The following TANC2 variants were observed in gnomAD, a reference collection of about 807,000 sequenced individuals.
TANC2 encodes protein TANC2.
A neutral mutation model predicts 210.5 loss-of-function variants in TANC2; 26 were observed. The observed-to-expected ratio is 0.12, with a 90% CI of 0.09 to 0.17. TANC2 has a LOEUF of 0.17. TANC2 is among the 10% of genes least tolerant of loss of function. TANC2 has a pLI of 1.00. For missense variants in TANC2, 2,129 were observed against 2,608.9 expected, an observed-to-expected ratio of 0.82 and a Z score of 4.01; for synonymous variants, 931 against 967.1, an observed-to-expected ratio of 0.96 and a Z score of 0.69.
exon 28 of TANC2, chr17:63,422,374 T>A: frequency 5.4e-6 from 1 of 185,692 alleles, no homozygotes; most frequent in South Asian, 1.1e-4. Context: ...AAGAGTGCGA[T>A]GCCCCTTTGC....
chr17:63,349,587 T>C (rs2046530767), intron 12 of TANC2, among the ~76,000 whole-genome samples: 1 of 152,152 alleles, frequency 6.6e-6, no homozygotes, highest in South Asian at 2.1e-4. Context: ...CCATACACAA[T>C]TCCAAGCTAC....
chr17:63,047,413 A>G (rs1329903940), intron 2 of TANC2, among the ~76,000 whole-genome samples: 2 of 152,204 alleles, frequency 1.3e-5, no homozygotes, highest in African/African-American at 4.8e-5. Flanking sequence ...GAATGGATAT[A>G]GGAGTGGATG....
At chr17:63,292,114 C>T (rs921230599) in intron 9 of TANC2, among the ~76,000 whole-genome samples, 14 of 152,132 alleles carry the variant, frequency 9.2e-5, no homozygotes, top group Non-Finnish European at 1.5e-4. Context: ...GATAACTCTT[C>T]TAAGTTGTTG....
In TANC2 at chr17:63,340,118, T is replaced by C. The variant is rs1013599844; in HGVS notation, c.1593T>C (p.Tyr531=). Reference sequence around the variant, plus strand: ...TTTTGCAGGTGGTTGCCTATCACTATTGTCAAGCAGATAATGCCTACACTT... The same window carrying C: ...TTTTGCAGGTGGTTGCCTATCACTACTGTCAAGCAGATAATGCCTACACTT... The change falls in exon 12 of 28, where the codon TAT becomes TAC. Residue 531 remains tyrosine, a synonymous_variant. Transcript: ENST00000689528. 1.7e-5 allele frequency: 27 copies of C among 1,613,750 alleles called. 1 individual carries two copies. The highest frequency in any genetic ancestry group is 3.3e-4 in the Middle Eastern group (2 of 6,084).
chr17:63,267,474 T>TTATAGAA (rs1282578086), intron 8 of TANC2, among the ~76,000 whole-genome samples: 21 of 152,310 alleles, frequency 1.4e-4, no homozygotes, highest in Non-Finnish European at 2.5e-4. Context: ...AAATATTTAA[T>TTATAGAA]CCCTCTGTTT....
intron 15 of TANC2, among the ~76,000 whole-genome samples, chr17:63,382,466 CT>C (rs995364840): frequency 3.9e-5 from 6 of 152,184 alleles, no homozygotes; most frequent in African/African-American, 7.2e-5. Context: ...ATTCTTACCT[CT>C]TTTTTTCTTG....
intron 9 of TANC2, among the ~76,000 whole-genome samples, chr17:63,270,214 A>G (rs780606955): frequency 5.3e-5 from 8 of 152,140 alleles, no homozygotes; most frequent in Non-Finnish European, 1.2e-4. Flanking sequence ...CTCTCTCAAA[A>G]AGTAACATGT....
intron 14 of TANC2, among the ~76,000 whole-genome samples, chr17:63,375,133 T>C (rs903406607): frequency 6.6e-6 from 1 of 152,186 alleles, no homozygotes; most frequent in Non-Finnish European, 1.5e-5. Context: ...GCTCAAGATG[T>C]CACCATGGGA....
intron 3 of TANC2, among the ~76,000 whole-genome samples, chr17:63,098,826 T>C (rs1287101450): frequency 1.3e-5 from 2 of 151,718 alleles, no homozygotes; most frequent in Admixed American, 1.3e-4. Context: ...GATGGCTTGC[T>C]AAGCAGATAA....
At chr17:63,244,858 G>C (rs1598692190) in intron 8 of TANC2, among the ~76,000 whole-genome samples, 1 of 152,146 alleles carries the variant, frequency 6.6e-6, no homozygotes, top group African/African-American at 2.4e-5. Flanking sequence ...TCTCATGATA[G>C]CGAATAAATC....
chr17:63,016,296 G>C (rs764016908), intron 2 of TANC2, among the ~76,000 whole-genome samples: 2 of 152,254 alleles, frequency 1.3e-5, no homozygotes, highest in South Asian at 2.1e-4. Flanking sequence ...CATCATTAAG[G>C]CTGGGTGTGG....
At chr17:63,353,276 G>T (rs999499699) in intron 13 of TANC2, among the ~76,000 whole-genome samples, 40 of 152,118 alleles carry the variant, frequency 2.6e-4, no homozygotes, top group African/African-American at 8.7e-4. Context: ...GAATGTGGGT[G>T]TCAGCAAGAG....
chr17:63,312,109 G>A (rs1176980405), intron 9 of TANC2, among the ~76,000 whole-genome samples: 1 of 152,160 alleles, frequency 6.6e-6, no homozygotes, highest in Non-Finnish European at 1.5e-5. Flanking sequence ...CAGTAAAATA[G>A]TGTTTAAGTA....
At chr17:63,252,666 T>C (rs984717283) in intron 8 of TANC2, among the ~76,000 whole-genome samples, 1 of 152,186 alleles carries the variant, frequency 6.6e-6, no homozygotes, top group African/African-American at 2.4e-5. Context: ...GCCTGGCTTA[T>C]TTCACTTAAC....
chr17:63,144,630 G>A (rs984032432), intron 4 of TANC2, among the ~76,000 whole-genome samples: 10 of 151,944 alleles, frequency 6.6e-5, no homozygotes, highest in African/African-American at 1.7e-4. Flanking sequence ...GGCATAACAC[G>A]TAGTATTGGG....
intron 5 of TANC2, among the ~76,000 whole-genome samples, chr17:63,187,654 C>G (rs942702657): frequency 6.6e-6 from 1 of 151,698 alleles, no homozygotes; most frequent in Non-Finnish European, 1.5e-5. Context: ...ACTATAAACC[C>G]ACAGATACAA....
At chr17:63,278,987 T>A (rs890503658) in intron 9 of TANC2, among the ~76,000 whole-genome samples, 10 of 152,100 alleles carry the variant, frequency 6.6e-5, no homozygotes, top group African/African-American at 2.4e-4. Flanking sequence ...AAAGTATCAA[T>A]CATGAAAGAT....
chr17:63,227,949 C>T (rs1294622539), intron 7 of TANC2, among the ~76,000 whole-genome samples: 2 of 152,062 alleles, frequency 1.3e-5, no homozygotes, highest in Non-Finnish European at 2.9e-5. Context: ...CGGCAACCTC[C>T]GCCTCCTGGA....
rs570620092 is a variant in TANC2, at chr17:62,967,917, G to T, written c.-24+1168G>T. Among the ~76,000 whole-genome samples, 3 of 152,044 alleles carry T rather than the reference G, an allele frequency of 2.0e-5. No individual in the cohort carries two copies. In the East Asian group the frequency reaches 5.8e-4, roughly 29 times the overall value. On this transcript the variant is annotated intron_variant, in intron 1 of 27. Coordinates refer to ENST00000689528, the Ensembl canonical transcript of TANC2. ...GGAGTGCTTCTTGCAGCATTTCCCA[G>T]GTAGATCCTCTTAGGGATGTGAGCA... is the stretch of plus-strand genomic sequence containing the variant.
Sources: gnomAD v4.1 joint callset for allele counts (sites outside exome capture counted in the v4.1 genomes callset) on GRCh38, gnomAD v4.1.1 for gene constraint, MANE v1.5 for transcripts, NCBI Gene and HGNC (gene_info 2026-07-23, HGNC 2026-07-21) for gene names.